ZDHHC24: variants seen among roughly 807,000 people sequenced by gnomAD.
ZDHHC24 encodes the protein zDHHC palmitoyltransferase 24, also known as probable palmitoyltransferase ZDHHC24.
A neutral mutation model predicts 23.2 loss-of-function variants in ZDHHC24; 17 were observed. The observed-to-expected ratio is 0.73, with a 90% CI of 0.50 to 1.10. ZDHHC24 has a LOEUF of 1.10. Among genes scored for constraint, ZDHHC24 ranks in the 50% least tolerant of loss-of-function variants. The pLI is 0.00. For synonymous variants in ZDHHC24, 186 were observed against 194.5 expected (o/e 0.96, Z 0.36); for missense variants, 366 against 393.0 (o/e 0.93, Z 0.58).
chr11:66,530,442 C>T (rs940192241), intron 2 of ZDHHC24, among the ~76,000 whole-genome samples: 1 of 152,078 alleles, frequency 6.6e-6, no homozygotes, highest in Non-Finnish European at 1.5e-5. Context: ...CAGCAGGGCT[C>T]GGACCAGCCC....
At chr11:66,521,267 C>T in exon 5 of ZDHHC24, 2 of 1,612,964 alleles carry the variant, frequency 1.2e-6, no homozygotes, top group Non-Finnish European at 1.7e-6. Context: ...TTCTTGTTTG[C>T]AGATGAGCCT....
chr11:66,520,859 A>T, downstream of ZDHHC24: 1 of 312,594 alleles, frequency 3.2e-6, no homozygotes, highest in Non-Finnish European at 6.2e-6. Flanking sequence ...TCATCTTCTC[A>T]TCTGTGGGAC....
downstream of ZDHHC24, among the ~76,000 whole-genome samples, chr11:66,534,751 A>G (rs933586992): frequency 2.0e-5 from 3 of 152,028 alleles, no homozygotes; most frequent in African/African-American, 7.2e-5. Context: ...GCTGGAGTGC[A>G]GTGGCGCGGT....
chr11:66,521,439 G>A (rs1856213240), exon 5 of ZDHHC24: 3 of 1,326,582 alleles, frequency 2.3e-6, no homozygotes, highest in Non-Finnish European at 3.2e-6. Flanking sequence ...GGCTTCAGAG[G>A]CTTGCAAGAT....
downstream of ZDHHC24, chr11:66,532,123 C>A: frequency 7.2e-7 from 1 of 1,395,812 alleles, no homozygotes; most frequent in Non-Finnish European, 9.8e-7. Flanking sequence ...CCTCATGCAG[C>A]AGTGTGCTGG....
At chr11:66,535,346 C>G (rs1236356242), downstream of ZDHHC24, among the ~76,000 whole-genome samples, 1 of 151,102 alleles carries the variant, frequency 6.6e-6, no homozygotes, top group Non-Finnish European at 1.5e-5. Flanking sequence ...CCATCCCCCA[C>G]ACTACAGACG....
intron 3 of ZDHHC24, chr11:66,529,155 C>A (rs1413931729): frequency 2.2e-6 from 2 of 924,076 alleles, no homozygotes; most frequent in Non-Finnish European, 2.5e-6. Context: ...CCTGGGGGAC[C>A]GAGGTGCCCA....
Position 66,545,816 on chromosome 11 carries a change from A to G in ZDHHC24, c.188T>C (p.Leu63Pro). 1 of 1,575,360 alleles carries G rather than the reference A, an allele frequency of 6.3e-7. No individual in the cohort carries two copies. Among genetic ancestry groups the G allele is most frequent in the Non-Finnish European group, 8.6e-7 (1 of 1,166,614 alleles). The change falls in exon 1 of 3, where the codon CTC becomes CCC. Residue 63 changes from leucine (L) to proline (P), a missense_variant. Physicochemically the swap from Leu to Pro is moderately conservative, Grantham distance 98 (BLOSUM62 -3). Transcript: ENST00000310442. The surrounding 1 kb of genome is among the most constrained non-coding windows in gnomAD (Gnocchi z 4.5). Reference sequence around the variant, plus strand: ...GAGCCCCACGTTGCCCAGCAGGTTGAGCAGCTGGAAGGCGGCCAGCGCCAG... The same window carrying G: ...GAGCCCCACGTTGCCCAGCAGGTTGGGCAGCTGGAAGGCGGCCAGCGCCAG... The part of the protein sequence containing the change: ...LQLALAAFQL[L>P]NLLGNVGLFL...
rs528522621 is a variant in ZDHHC24 at position 66,541,263 on chromosome 11, C to T, written c.560-1439G>A. On this transcript the variant is annotated intron_variant, in intron 2 of 2. Transcript: ENST00000310442. ...CTAAAAATACAAAAAATTAGTCGGG[C>T]GTGGTGGCGCATGCCTGTAATCCCA... 1.3e-4 allele frequency among the ~76,000 whole-genome samples: 20 copies of T among 151,334 alleles called. No homozygotes were observed. The Middle Eastern group carries it at 0.01, about 77-fold the overall frequency.
In ZDHHC24 at chr11:66,545,555, A is replaced by G. The variant is rs11227527; in HGVS notation, c.281+168T>C. Among the ~76,000 whole-genome samples, 36,734 of 152,100 alleles carry G rather than the reference A, an allele frequency of 0.24. 4,660 individuals carry two copies. The highest frequency in any genetic ancestry group is 0.29 in the East Asian group (1,521 of 5,176). On this transcript the variant is annotated intron_variant, in intron 1 of 2. Transcript: ENST00000310442. This position sits in a 1 kb window ranked among gnomAD's most constrained non-coding sequence, Gnocchi z 4.5. ...AGGCTCCCAATAAGTATTTGCGAGT[A>G]AATAAATAACACTCAATTCTAGCTC... is the stretch of plus-strand genomic sequence containing the variant.
chr11:66,522,240 G>T (rs1223239633), intron 4 of ZDHHC24, among the ~76,000 whole-genome samples: 1 of 151,094 alleles, frequency 6.6e-6, no homozygotes, highest in East Asian at 1.9e-4. Context: ...GGAAACAGAT[G>T]GGAAGAAATA....
In ZDHHC24 at chr11:66,538,393, GT is replaced by G. The variant is rs1047567383; in HGVS notation, c.*1135del. On this transcript the variant is annotated 3_prime_UTR_variant, in exon 3 of 3. Transcript: ENST00000310442. ...GCCTGAGCAACAAGAGCAAAACTCCGTCTCAAAAAAGAAAAAAAAAAAAATC... is the reference window on the plus strand; with the variant it reads ...GCCTGAGCAACAAGAGCAAAACTCCGCTCAAAAAAGAAAAAAAAAAAAATC... The G allele has an allele frequency of 6.7e-6, 1 of 149,488 alleles. No individual in the cohort carries two copies. Among genetic ancestry groups the G allele is most frequent in the African/African-American group, 2.5e-5 (1 of 40,480 alleles). The allele number at this position is 149,488 out of a possible 1,614,324, so 9.3% of individuals were successfully genotyped here.
At position 66,543,868 on chromosome 11, in the gene ZDHHC24, C is replaced by A. The variant is rs1403999926; in HGVS notation, c.395G>T (p.Gly132Val). 6.2e-7 allele frequency: 1 copy of A among 1,613,884 alleles called. No homozygotes were observed. The highest frequency in any genetic ancestry group is 1.7e-5 in the Admixed American group (1 of 60,000). Residue 132 changes from glycine to valine, a missense_variant, in exon 2 of 3, where the codon GGC becomes GTC. Physicochemically the swap from Gly to Val is moderately radical, Grantham distance 109. Coordinates refer to ENST00000310442, the MANE Select transcript of ZDHHC24 (RefSeq NM_207340.3). ...CAGGAAGGGCCGGTAGTTGCCGAAGCCCACGCAGCGGCCCAGCAGGCGGCA... is the reference window on the plus strand; with the variant it reads ...CAGGAAGGGCCGGTAGTTGCCGAAGACCACGCAGCGGCCCAGCAGGCGGCA... ...HHCRLLGRCV[G>V]FGNYRPFLCL...
chr11:66,543,339 C>T (rs927556657), intron 2 of ZDHHC24, among the ~76,000 whole-genome samples: 3 of 152,148 alleles, frequency 2.0e-5, no homozygotes. Context: ...CCCTACCAAT[C>T]TGGCCTTAAT....
Position 66,539,133 on chromosome 11 carries a change from G to T in ZDHHC24, c.*396C>A. 1 of 702,738 alleles carries T rather than the reference G, an allele frequency of 1.4e-6. No homozygotes were observed. The highest frequency in any genetic ancestry group is 1.8e-6 in the Non-Finnish European group (1 of 567,474). The allele number at this position is 702,738 out of a possible 1,614,324, so 43.5% of individuals were successfully genotyped here. A position where few individuals can be genotyped will look rare whatever the true frequency, so the allele number is the denominator to read the frequency against. On this transcript the variant is annotated 3_prime_UTR_variant, in exon 3 of 3. Transcript: ENST00000310442. ...CCCACCCCCAACTCACCCAGGCCAG[G>T]GGAGGTAGAGCCCCAGCCCCTGAGA...
chr11:66,527,171 A>G, intron 3 of ZDHHC24: 1 of 629,558 alleles, frequency 1.6e-6, no homozygotes, highest in East Asian at 2.8e-5. Context: ...CCAGGAGTTC[A>G]AGACCTACCT....
Position 66,524,108 on chromosome 11 carries a change from C to T in ZDHHC24, c.*22-2642G>A. 5 of 589,818 alleles carry T rather than the reference C, an allele frequency of 8.5e-6. No individual in the cohort carries two copies. In the South Asian group the frequency reaches 9.2e-5, roughly 11 times the overall value. The allele number at this position is 589,818 out of a possible 1,614,324, so 36.5% of individuals were successfully genotyped here. ...CAGCCTAGCCAACATGGCATAACCC[C>T]CTTGCTACTAAAAATACAAAAATTA... On this transcript the variant is annotated intron_variant, in intron 4 of 4. Coordinates refer to the ZDHHC24 transcript ENST00000526986.
intron 2 of ZDHHC24, among the ~76,000 whole-genome samples, chr11:66,540,539 C>T (rs1857122307): frequency 6.6e-6 from 1 of 151,360 alleles, no homozygotes; most frequent in Non-Finnish European, 1.5e-5. Context: ...ACCAGCCTGA[C>T]CAACATGGTG....
downstream of ZDHHC24, chr11:66,532,227 C>A (rs1379540798): frequency 2.2e-5 from 14 of 623,352 alleles, no homozygotes; most frequent in East Asian, 3.3e-4. Context: ...CCTAGGGCGG[C>A]TCAACTCCTC....
Sources: gnomAD v4.1 joint callset for allele counts (sites outside exome capture counted in the v4.1 genomes callset) on GRCh38, gnomAD v4.1.1 for gene constraint, Gnocchi (gnomAD v3.1) non-coding constraint, MANE v1.5 for transcripts, NCBI Gene and HGNC (gene_info 2026-07-23, HGNC 2026-07-21) for gene names.